CBLB: variants seen among roughly 807,000 people sequenced by gnomAD.
CBLB encodes the protein E3 ubiquitin-protein ligase CBL-B.
CBLB carries 31 observed loss-of-function variants against 104.9 expected under a neutral mutation model. That is an observed-to-expected ratio of 0.30 (90% confidence interval 0.22 to 0.40). The LOEUF is 0.40. CBLB is among the 10% of genes least tolerant of loss of function. The pLI, the probability that CBLB is intolerant of heterozygous loss-of-function variation, is 1.00. For synonymous variants in CBLB, 440 were observed against 422.6 expected, an observed-to-expected ratio of 1.04 and a Z score of -0.51; for missense variants, 1,062 against 1,214.6, an observed-to-expected ratio of 0.87 and a Z score of 1.87.
chr3:105,660,996 TC>T (rs767003313), intron 18 of CBLB, among the ~76,000 whole-genome samples: 45 of 150,358 alleles, frequency 3.0e-4, no homozygotes, highest in Non-Finnish European at 6.1e-4. Flanking sequence ...TGAGATGAAG[TC>T]TCATTATGTT....
chr3:105,771,178 A>T (rs953094116), intron 4 of CBLB, among the ~76,000 whole-genome samples: 1 of 152,206 alleles, frequency 6.6e-6, no homozygotes, highest in African/African-American at 2.4e-5. Context: ...CAACAGCACA[A>T]CAAAAAACTA....
At chr3:105,769,206 T>C (rs2078581706) in intron 4 of CBLB, among the ~76,000 whole-genome samples, 1 of 151,832 alleles carries the variant, frequency 6.6e-6, no homozygotes, top group South Asian at 2.1e-4. Context: ...TAATCCCAGC[T>C]ACTTGGGAGG....
chr3:105,828,090 C>T lies in CBLB; in HGVS notation c.419+25324G>A, dbSNP rs114372448. ...TTAGGCTCCTTCTCCCATCCCTGTTCCATCACCCTCCTTCACATGGTTGAG... is the reference window on the plus strand; with the variant it reads ...TTAGGCTCCTTCTCCCATCCCTGTTTCATCACCCTCCTTCACATGGTTGAG... On this transcript the variant is annotated intron_variant, in intron 3 of 18. Transcript: ENST00000394030. 5.5e-3 allele frequency among the ~76,000 whole-genome samples: 836 copies of T among 152,268 alleles called. 7 individuals carry two copies. Among genetic ancestry groups the T allele is most frequent in the African/African-American group, 0.019 (802 of 41,540 alleles).
intron 8 of CBLB, among the ~76,000 whole-genome samples, chr3:105,734,994 TA>T (rs2074746549): frequency 1.3e-5 from 2 of 151,982 alleles, no homozygotes; most frequent in African/African-American, 4.8e-5. Flanking sequence ...AATTGGTAAA[TA>T]ATGAAAAAAG....
intron 4 of CBLB, among the ~76,000 whole-genome samples, chr3:105,764,699 C>T (rs1041934068): frequency 2.0e-5 from 3 of 152,170 alleles, no homozygotes; most frequent in Admixed American, 2.0e-4. Context: ...GTGAGAAAGG[C>T]ATGTCTAAAT....
At chr3:105,869,426 T>C, upstream of CBLB, 1 of 1,325,952 alleles carries the variant, frequency 7.5e-7, no homozygotes, top group Non-Finnish European at 1.0e-6. Context: ...TTCGCTTACC[T>C]TCCTAGTCTT....
chr3:105,709,911 G>T (rs1262667245), intron 10 of CBLB, among the ~76,000 whole-genome samples: 2 of 151,862 alleles, frequency 1.3e-5, no homozygotes, highest in Non-Finnish European at 3.0e-5. Context: ...TATTTTGTTT[G>T]CTTTGATGCT....
chr3:105,689,560 G>A (rs1453015457), intron 13 of CBLB, among the ~76,000 whole-genome samples: 3 of 150,032 alleles, frequency 2.0e-5, no homozygotes, highest in African/African-American at 4.9e-5. Flanking sequence ...ATCTTACCTG[G>A]AAGTAATTAC....
At chr3:105,861,921 C>T (rs2092127453) in intron 2 of CBLB, among the ~76,000 whole-genome samples, 1 of 152,124 alleles carries the variant, frequency 6.6e-6, no homozygotes. Flanking sequence ...CTTAATTTTT[C>T]ACCCTGTTTG....
chr3:105,826,751 A>G (rs2086641049), intron 3 of CBLB, among the ~76,000 whole-genome samples: 2 of 152,222 alleles, frequency 1.3e-5, no homozygotes, highest in Admixed American at 6.6e-5. Flanking sequence ...GATACACATG[A>G]TGCAAATGCA....
rs184719169 is a variant in CBLB at position 105,767,009 on chromosome 3, A to G, written c.566+9387T>C. Among the ~76,000 whole-genome samples, 21 of 152,290 alleles carry G rather than the reference A, an allele frequency of 1.4e-4. No homozygotes were observed. In the East Asian group the frequency reaches 4.0e-3, roughly 29 times the overall value. On this transcript the variant is annotated intron_variant, in intron 4 of 18. Coordinates refer to ENST00000394030, the MANE Select transcript of CBLB (RefSeq NM_170662.5). ...CATCTTAGTTGTTTTGTATCTTGTT[A>G]CAATGAATTGAACAAAATAGGCCTC... is the stretch of plus-strand genomic sequence containing the variant.
intron 4 of CBLB, among the ~76,000 whole-genome samples, chr3:105,771,535 C>T (rs913367783): frequency 2.6e-5 from 4 of 151,770 alleles, no homozygotes; most frequent in Admixed American, 1.3e-4. Context: ...ACAGCCAGAG[C>T]AATCCAATAA....
intron 2 of CBLB, among the ~76,000 whole-genome samples, chr3:105,867,120 C>T (rs1178276244): frequency 6.6e-6 from 1 of 152,164 alleles, no homozygotes; most frequent in Non-Finnish European, 1.5e-5. Context: ...CACTTCCAAG[C>T]ATTCTATGGC....
chr3:105,739,709 T>G (rs1278483372), intron 7 of CBLB, among the ~76,000 whole-genome samples: 1 of 152,100 alleles, frequency 6.6e-6, no homozygotes. Flanking sequence ...GAGTTATTAT[T>G]AGTGTGAAAA....
chr3:105,701,237 G>C (rs2069052810), intron 12 of CBLB, among the ~76,000 whole-genome samples: 1 of 152,286 alleles, frequency 6.6e-6, no homozygotes, highest in Non-Finnish European at 1.5e-5. Flanking sequence ...CTTCAAGTGA[G>C]AAGTCAACAA....
intron 4 of CBLB, among the ~76,000 whole-genome samples, chr3:105,775,272 A>C (rs1468359741): frequency 6.6e-6 from 1 of 152,186 alleles, no homozygotes; most frequent in Non-Finnish European, 1.5e-5. Flanking sequence ...GATGCCAAAA[A>C]AATTGTGTGC....
chr3:105,691,674 T>C (rs891799830), intron 13 of CBLB, among the ~76,000 whole-genome samples: 9 of 152,192 alleles, frequency 5.9e-5, no homozygotes, highest in African/African-American at 1.9e-4. Context: ...AATATAATCA[T>C]ATGTTGTCAC....
rs1333839342 is a variant in CBLB, at chr3:105,657,957, A to G, written c.*1013T>C. ...TAGAGTGTAATCACTTAAATGGGAA[A>G]TGAACTCTAATTCCACTTGAGAAAA... On this transcript the variant is annotated 3_prime_UTR_variant, in exon 19 of 19. Coordinates refer to ENST00000394030, the MANE Select transcript of CBLB (RefSeq NM_170662.5). The G allele has an allele frequency of 9.5e-6, 2 of 211,588 alleles. No individual in the cohort carries two copies. The highest frequency in any genetic ancestry group is 1.9e-5 in the Non-Finnish European group (2 of 104,552). 13.1% of individuals were successfully genotyped at this position (211,588 alleles called of 1,614,324 possible).
Position 105,656,009 on chromosome 3 carries a change from A to G in CBLB, c.*2961T>C, listed in dbSNP as rs2063316951. The G allele has an allele frequency of 4.4e-6, 1 of 227,992 alleles. No individual in the cohort carries two copies. Among genetic ancestry groups the G allele is most frequent in the African/African-American group, 2.2e-5 (1 of 45,080 alleles). The allele number at this position is 227,992 out of a possible 1,614,324, so 14.1% of individuals were successfully genotyped here. On this transcript the variant is annotated 3_prime_UTR_variant, in exon 19 of 19. Coordinates refer to ENST00000394030, the MANE Select transcript of CBLB (RefSeq NM_170662.5). ...TATGAAGACTATTTGCAATGTGGGC[A>G]AAAGGGAAACAGAGAGGGAAGAGCT...
Sources: allele counts gnomAD v4.1 joint callset (sites outside exome capture counted in the v4.1 genomes callset), GRCh38; gene constraint gnomAD v4.1.1; transcripts MANE v1.5; gene names NCBI Gene and HGNC (gene_info 2026-07-23, HGNC 2026-07-21).